Variants in TBC1D32 observed in about 807,000 individuals in gnomAD.
The protein encoded by TBC1D32 is TBC1 domain family member 32, also known as protein broad-minded.
TBC1D32 carries 151 observed loss-of-function variants against 170.3 expected under a neutral mutation model. The ratio of observed to expected loss-of-function variants is 0.89; its 90% confidence interval spans 0.78 to 1.01. TBC1D32 has a LOEUF of 1.01. Among genes scored for constraint, TBC1D32 ranks in the 50% least tolerant of loss-of-function variants. TBC1D32 has a pLI of 0.00. For missense variants in TBC1D32, 1,464 were observed against 1,457.1 expected, an observed-to-expected ratio of 1.00 and a Z score of -0.08; for synonymous variants, 498 against 488.0, an observed-to-expected ratio of 1.02 and a Z score of -0.27.
At chr6:121,266,015 A>G (rs1378917066) in intron 15 of TBC1D32, among the ~76,000 whole-genome samples, 1 of 152,212 alleles carries the variant, frequency 6.6e-6, no homozygotes, top group Non-Finnish European at 1.5e-5. Context: ...GGGCATGAGC[A>G]AAGATTTTAT....
At chr6:121,226,282 G>A (rs1795052331) in intron 20 of TBC1D32, among the ~76,000 whole-genome samples, 1 of 152,038 alleles carries the variant, frequency 6.6e-6, no homozygotes, top group Non-Finnish European at 1.5e-5. Context: ...GCGCCTAAAT[G>A]TTCTGACTTT....
intron 12 of TBC1D32, among the ~76,000 whole-genome samples, chr6:121,286,717 C>G (rs1803904287): frequency 2.0e-5 from 3 of 151,938 alleles, no homozygotes; most frequent in East Asian, 1.9e-4. Context: ...CACCAAAGTT[C>G]AAATGAAGGA....
intron 24 of TBC1D32, among the ~76,000 whole-genome samples, chr6:121,151,772 T>C (rs982827177): frequency 1.3e-5 from 2 of 152,230 alleles, no homozygotes; most frequent in African/African-American, 4.8e-5. Flanking sequence ...TCATTGTCTT[T>C]TTTGATCTTT....
chr6:121,179,295 T>C (rs1284036115), intron 22 of TBC1D32, among the ~76,000 whole-genome samples: 1 of 150,170 alleles, frequency 6.7e-6, no homozygotes, highest in East Asian at 1.9e-4. Context: ...ATATGTATAG[T>C]TTGTGTGTGT....
In TBC1D32 at chr6:121,243,315, G is replaced by A. The variant is rs147733887; in HGVS notation, c.2019-976C>T. Among the ~76,000 whole-genome samples the A allele has an allele frequency of 1.1e-4, 17 of 152,168 alleles. No individual in the cohort carries two copies. The East Asian group carries it at 2.5e-3, about 22-fold the overall frequency. On this transcript the variant is annotated intron_variant, in intron 17 of 31. Coordinates refer to ENST00000398212, the MANE Select transcript of TBC1D32 (RefSeq NM_152730.6). ...CAGAACAGTAGAAAGTAAAAGGGTT[G>A]GGGGAAGGAAAACTATGTGTAACTG...
chr6:121,272,300 T>C (rs1801560915), intron 15 of TBC1D32, among the ~76,000 whole-genome samples: 3 of 152,020 alleles, frequency 2.0e-5, no homozygotes, highest in Admixed American at 1.3e-4. Context: ...CAAAAGAAAC[T>C]ACCATCAGAG....
chr6:121,299,297 C>T, intron 10 of TBC1D32, 149 bp downstream of exon 10: 2 of 759,998 alleles, frequency 2.6e-6, no homozygotes, highest in East Asian at 3.5e-5. Flanking sequence ...TTATGTGTCA[C>T]AGGATGGTAG....
intron 22 of TBC1D32, among the ~76,000 whole-genome samples, chr6:121,161,995 C>A (rs555287589): frequency 1.1e-4 from 16 of 152,138 alleles, no homozygotes; most frequent in Non-Finnish European, 2.2e-4. Context: ...TGAGAAGCAT[C>A]TGTTCATGTC....
At chr6:121,274,314 C>A (rs908957141) in intron 15 of TBC1D32, among the ~76,000 whole-genome samples, 2 of 151,366 alleles carry the variant, frequency 1.3e-5, no homozygotes, top group African/African-American at 4.9e-5. Flanking sequence ...GCCTGGGCGA[C>A]AGAGTCATGA....
chr6:121,303,666 T>A lies in TBC1D32; in HGVS notation c.1031A>T (p.Tyr344Phe). The A allele has an allele frequency of 6.3e-7, 1 of 1,599,390 alleles. No homozygotes were observed. Among genetic ancestry groups the A allele is most frequent in the Non-Finnish European group, 8.5e-7 (1 of 1,170,214 alleles). Residue 344 changes from tyrosine to phenylalanine, a missense_variant, in exon 9 of 32, where the codon TAC (tyrosine) becomes TTC (phenylalanine). Transcript: ENST00000398212. ...VVSQKILDPI[Y>F]FFALVDTKAV... is the part of the protein sequence containing the mutation. ...CTTGGTATCAACTAATGCAAAAAAG[T>A]AGATCGGATCCAAAATCTTTTGTGA...
Position 121,161,016 on chromosome 6 carries a change from C to T in TBC1D32, c.2611G>A (p.Val871Ile), listed in dbSNP as rs1178273969. 3 of 1,613,350 alleles carry T rather than the reference C, an allele frequency of 1.9e-6. No individual in the cohort carries two copies. The highest frequency in any genetic ancestry group is 2.7e-5 in the African/African-American group (2 of 74,894). ...CCAACAAGATTTATTCTAACAAGAA[C>T]ATGATTTCTCTCCACTGATAAGCCA... is the stretch of plus-strand genomic sequence containing the variant. ...IDGLSVERNH[V>I]LVRINLVGGP... Residue 871 changes from valine (V) to isoleucine (I), a missense_variant, in exon 23 of 32, where the codon GTT becomes ATT. Val to Ile is a conservative substitution (Grantham distance 29). This residue lies in a region of TBC1D32 where 1,363 missense variants were observed against 1,338.1 expected (regional missense o/e 1.02). Transcript: ENST00000398212.
At chr6:121,198,123 G>A (rs1245028490) in intron 22 of TBC1D32, among the ~76,000 whole-genome samples, 1 of 145,540 alleles carries the variant, frequency 6.9e-6, no homozygotes, top group East Asian at 2.0e-4. Context: ...TTGTGATCAG[G>A]TAAGTTAATA....
intron 22 of TBC1D32, among the ~76,000 whole-genome samples, chr6:121,169,653 T>C (rs759629373): frequency 6.6e-6 from 1 of 152,146 alleles, no homozygotes; most frequent in Non-Finnish European, 1.5e-5. Context: ...ATTCAAAATC[T>C]AAATGTTGCT....
chr6:121,257,001 A>G (rs923820373), intron 15 of TBC1D32, among the ~76,000 whole-genome samples: 10 of 152,070 alleles, frequency 6.6e-5, no homozygotes, highest in Non-Finnish European at 1.3e-4. Context: ...GTAATAATAG[A>G]TAAGTATTTA....
intron 12 of TBC1D32, 75 bp from the exon 13 acceptor site, chr6:121,283,985 C>T (rs1186350703): frequency 9.2e-7 from 1 of 1,086,754 alleles, no homozygotes; most frequent in Non-Finnish European, 1.4e-6. Flanking sequence ...ACTGAGCTTT[C>T]ATCCATCTAT....
chr6:121,109,036 T>C (rs1778968281), intron 29 of TBC1D32, among the ~76,000 whole-genome samples: 2 of 152,124 alleles, frequency 1.3e-5, no homozygotes, highest in African/African-American at 2.4e-5. Context: ...TCGGCAAATA[T>C]GATTAAGACT....
rs548109381 is a variant in TBC1D32, at chr6:121,292,138, G to A, written c.1287C>T (p.Phe429=). The A allele has an allele frequency of 1.2e-6, 2 of 1,604,312 alleles. No individual in the cohort carries two copies. Among genetic ancestry groups the A allele is most frequent in the Admixed American group, 1.7e-5 (1 of 59,164 alleles). ...YLGQELQYIY[F]IHSLCLLGRL... The stretch of plus-strand genomic sequence containing the variant: ...TTCCTAAAAGGCACAGTGAGTGAAT[G>A]AAATAAATATATTGTAATTCTTGTC... The change falls in exon 12 of 32, where the codon TTC becomes TTT. Residue 429 remains phenylalanine (F), a synonymous_variant. Transcript: ENST00000398212.
chr6:121,161,875 C>T (rs144894663), intron 22 of TBC1D32, among the ~76,000 whole-genome samples: 19 of 152,298 alleles, frequency 1.2e-4, no homozygotes, highest in Non-Finnish European at 1.9e-4. Flanking sequence ...AATAGCCATT[C>T]TGACTGGTGC....
chr6:121,174,694 T>C (rs149008730), intron 22 of TBC1D32, among the ~76,000 whole-genome samples: 172 of 152,020 alleles, frequency 1.1e-3, no homozygotes, highest in Non-Finnish European at 2.1e-3. Context: ...CAAAAGAAAG[T>C]CAAGACATAG....
Sources: gnomAD v4.1 joint callset for allele counts (sites outside exome capture counted in the v4.1 genomes callset) on GRCh38, gnomAD v4.1.1 for gene constraint, gnomAD v4.1.1 regional missense constraint, MANE v1.5 for transcripts, NCBI Gene and HGNC (gene_info 2026-07-23, HGNC 2026-07-21) for gene names.